Variants in DLG3 observed in about 807,000 individuals in gnomAD.
DLG3 encodes the protein discs large MAGUK scaffold protein 3.
DLG3 carries 1 observed loss-of-function variant against 64.1 expected under a neutral mutation model. That is an observed-to-expected ratio of 0.02 (90% CI 0.01 to 0.07). The LOEUF (loss-of-function observed/expected upper bound fraction) is 0.07. Ranked by LOEUF, DLG3 falls within the 10% of genes least tolerant of loss-of-function variation. The pLI is 1.00. For missense variants in DLG3, 429 were observed against 669.5 expected (o/e 0.64, Z 3.96); for synonymous variants, 245 against 259.8 (o/e 0.94, Z 0.55).
At chrX:70,471,863 T>C in intron 9 of DLG3, among the ~76,000 whole-genome samples, 1 of 111,901 alleles carries the variant, frequency 8.9e-6, no homozygotes, top group South Asian at 3.8e-4. Flanking sequence ...AATTATTGTC[T>C]GTAGTAGTAG....
chrX:70,459,813 C>T (rs1271274588), intron 9 of DLG3, among the ~76,000 whole-genome samples: 4 of 111,290 alleles, frequency 3.6e-5, no homozygotes, highest in Admixed American at 9.6e-5. Flanking sequence ...CTCAGGGTCA[C>T]ACAAGTCTGT....
In DLG3 at chrX:70,503,296, T is replaced by C. The variant is rs903800558; in HGVS notation, c.*1027T>C. ...TGCTACTGTGTCAGCCTTTTCATTA[T>C]TGCAAATTTTACTTTTACTATTTAA... is the stretch of plus-strand genomic sequence containing the variant. On this transcript the variant is annotated 3_prime_UTR_variant, in exon 19 of 19. Coordinates refer to ENST00000374360, the MANE Select transcript of DLG3 (RefSeq NM_021120.4). The C allele has an allele frequency of 8.8e-6, 1 of 113,144 alleles. No homozygotes were observed. The highest frequency in any genetic ancestry group is 1.9e-5 in the Non-Finnish European group (1 of 53,382). 9.3% of individuals were successfully genotyped at this position (113,144 alleles called of 1,213,427 possible).
At chrX:70,500,155 C>A in intron 16 of DLG3, 106 bp downstream of exon 16, 1 of 740,329 alleles carries the variant, frequency 1.4e-6, no homozygotes, top group Non-Finnish European at 2.0e-6. Context: ...GTGCTGCTGA[C>A]CAAAGCCATA....
At chrX:70,484,600 G>A (rs969988396) in intron 10 of DLG3, among the ~76,000 whole-genome samples, 1 of 111,824 alleles carries the variant, frequency 8.9e-6, no homozygotes, top group African/African-American at 3.3e-5. Flanking sequence ...GGCTACCAGA[G>A]GGTGGGGCAG....
At chrX:70,471,331 C>CT (rs756585636) in intron 9 of DLG3, among the ~76,000 whole-genome samples, 2,377 of 100,636 alleles carry the variant, frequency 0.024, 32 homozygotes, top group Non-Finnish European at 0.033. Flanking sequence ...GAAGACATAA[C>CT]TTTTTTTTTT....
intron 9 of DLG3, among the ~76,000 whole-genome samples, chrX:70,476,807 TTACCCAACAATCATTTATTCAAAGGCTGC>T (rs1348396855): frequency 1.8e-5 from 2 of 112,455 alleles, no homozygotes; most frequent in African/African-American, 6.5e-5. Context: ...TGCTCCTCAT[TTACCCAACAATCATTTATTCAAAGGCTGC>T]TCTGCCTAGT....
Position 70,453,703 on chromosome X carries a change from G to C in DLG3, c.1212G>C (p.Glu404Asp). ...TGGGCTTCAACATCGTAGGAGGAGA[G>C]GATGGAGAAGGCATTTTTGTCTCCT... Reference protein sequence around the residue: ...TGLGFNIVGGEDGEGIFVSFI... With the variant: ...TGLGFNIVGGDDGEGIFVSFI... Residue 404 changes from glutamate to aspartate, a missense_variant, in exon 8 of 19, where the codon GAG becomes GAC. Glu to Asp is a conservative substitution (Grantham distance 45, BLOSUM62 2). Coordinates refer to ENST00000374360, the MANE Select transcript of DLG3 (RefSeq NM_021120.4). 1 of 1,208,338 alleles carries C rather than the reference G, an allele frequency of 8.3e-7. No individual in the cohort carries two copies. The highest frequency in any genetic ancestry group is 3.0e-5 in the East Asian group (1 of 33,766).
At chrX:70,500,230 A>T (rs1217512355) in intron 16 of DLG3, among the ~76,000 whole-genome samples, 181 bp downstream of exon 16, 1 of 111,495 alleles carries the variant, frequency 9.0e-6, no homozygotes. Flanking sequence ...CTCACCCCAG[A>T]GCATTACCCA....
At chrX:70,495,287 T>G in intron 12 of DLG3, 121 bp from the exon 13 acceptor site, 1 of 639,325 alleles carries the variant, frequency 1.6e-6, no homozygotes, top group East Asian at 3.4e-5. Flanking sequence ...CCCCTTGTCT[T>G]TTTCTCTATT....
chrX:70,459,188 A>G (rs2086762915), intron 9 of DLG3, among the ~76,000 whole-genome samples: 1 of 112,145 alleles, frequency 8.9e-6, no homozygotes, highest in Non-Finnish European at 1.9e-5. Context: ...CTGGGAAATG[A>G]TCCTTTATGA....
chrX:70,498,502 C>G lies in DLG3; in HGVS notation c.1820-18C>G, dbSNP rs370960131. 6.6e-6 allele frequency: 8 copies of G among 1,206,142 alleles called. No homozygotes were observed. The African/African-American group carries it at 1.2e-4, about 18-fold the overall frequency. On this transcript the variant is annotated intron_variant, in intron 13 of 18. Transcript: ENST00000374360. Reference sequence around the variant, plus strand: ...GGCAGATCATATGGTGCTAACCTATCTCTCTTTTTTGTTGCAGAAGGACAA... The same window carrying G: ...GGCAGATCATATGGTGCTAACCTATGTCTCTTTTTTGTTGCAGAAGGACAA...
rs775293712 is a variant in DLG3 at position 70,453,771 on chromosome X, G to T, written c.1280G>T (p.Arg427Leu). ...GGPADLSGEL[R>L]RGDRILSVNG... is the part of the protein sequence containing the mutation. The stretch of plus-strand genomic sequence containing the variant: ...CCAGCTGACCTGAGTGGGGAGCTGC[G>T]CAGGGGAGACCGGATCTTATCGGTG... The change falls in exon 8 of 19, where the codon CGC becomes CTC. Residue 427 changes from arginine to leucine, a missense_variant. Arg to Leu is a moderately radical substitution (Grantham distance 102). This residue lies in a region of DLG3 where 46 missense variants were observed against 52.3 expected (regional missense o/e 0.88). Coordinates refer to ENST00000374360, the MANE Select transcript of DLG3 (RefSeq NM_021120.4). The T allele has an allele frequency of 1.7e-6, 2 of 1,199,845 alleles. No homozygotes were observed. Among genetic ancestry groups the T allele is most frequent in the Non-Finnish European group, 2.2e-6 (2 of 890,047 alleles).
chrX:70,460,895 A>G (rs970520034), intron 9 of DLG3, among the ~76,000 whole-genome samples: 1 of 112,385 alleles, frequency 8.9e-6, no homozygotes, highest in Non-Finnish European at 1.9e-5. Context: ...TGTGTTGTAC[A>G]TGTATCAATA....
chrX:70,461,123 T>C (rs932784591), intron 9 of DLG3, among the ~76,000 whole-genome samples: 9 of 111,888 alleles, frequency 8.0e-5, no homozygotes, highest in Non-Finnish European at 3.8e-5. Flanking sequence ...CTCTGACCTT[T>C]GGTGGAATGG....
At chrX:70,468,611 C>G (rs1456239209) in intron 9 of DLG3, among the ~76,000 whole-genome samples, 1 of 111,780 alleles carries the variant, frequency 8.9e-6, no homozygotes, top group Non-Finnish European at 1.9e-5. Context: ...GGACACCCAG[C>G]TTTCTGGGTT....
At chrX:70,467,776 G>C (rs1168881689) in intron 9 of DLG3, among the ~76,000 whole-genome samples, 1 of 112,113 alleles carries the variant, frequency 8.9e-6, no homozygotes. Context: ...GTACAAATCT[G>C]TCTTTATTCT....
intron 10 of DLG3, among the ~76,000 whole-genome samples, chrX:70,486,840 A>C (rs777977436): frequency 7.3e-5 from 8 of 110,185 alleles, no homozygotes; most frequent in African/African-American, 2.0e-4. Flanking sequence ...GGAAGAGGAG[A>C]ATATATCAGT....
At position 70,447,331 on chromosome X, in the gene DLG3, G is replaced by A. The variant is rs950571788; in HGVS notation, c.358-1582G>A. 7.1e-5 allele frequency among the ~76,000 whole-genome samples: 8 copies of A among 112,182 alleles called. No homozygotes were observed. In the Middle Eastern group the frequency reaches 0.018, roughly 258 times the overall value. ...AAATGCACACAAGAGCCACATGGGT[G>A]TCCCTTTGCTTATGTGTCTGTTGCA... On this transcript the variant is annotated intron_variant, in intron 1 of 18. Transcript: ENST00000374360.
intron 9 of DLG3, chrX:70,454,995 C>T (rs2086677425): frequency 5.3e-6 from 4 of 749,969 alleles, no homozygotes; most frequent in Non-Finnish European, 4.7e-6. Context: ...GCGCCCTAGC[C>T]TGCGGGCCAG....
Sources: allele counts gnomAD v4.1 joint callset (sites outside exome capture counted in the v4.1 genomes callset), GRCh38; gene constraint gnomAD v4.1.1; regional missense constraint gnomAD v4.1.1; transcripts MANE v1.5; gene names NCBI Gene and HGNC (gene_info 2026-07-23, HGNC 2026-07-21).